Variants in RNF138 observed in about 807,000 individuals in gnomAD.
RNF138 encodes ring finger protein 138.
In RNF138, 12 loss-of-function variants were observed where a neutral mutation model predicts 31.0. That is an observed-to-expected ratio of 0.39 (90% CI 0.25 to 0.63). The LOEUF (loss-of-function observed/expected upper bound fraction) is 0.63. RNF138 is among the 20% of genes least tolerant of loss of function. The pLI, the probability that RNF138 is intolerant of heterozygous loss-of-function variation, is 0.52. For missense variants in RNF138, 192 were observed against 300.1 expected (o/e 0.64, Z 2.66); for synonymous variants, 105 against 99.5 (o/e 1.06, Z -0.33).
intron 4 of RNF138, among the ~76,000 whole-genome samples, chr18:32,117,665 G>T (rs747813264): frequency 4.5e-4 from 69 of 152,288 alleles, no homozygotes; most frequent in Admixed American, 8.5e-4. Flanking sequence ...ATAACTTCCA[G>T]TTGAGCCATC....
Position 32,123,547 on chromosome 18 carries a change from A to T in RNF138, c.422A>T (p.Asn141Ile). The T allele has an allele frequency of 6.3e-7, 1 of 1,593,242 alleles. No individual in the cohort carries two copies. The highest frequency in any genetic ancestry group is 1.1e-5 in the South Asian group (1 of 87,278). ...SNRSETSTSD[N>I]TETYQENTSS... The stretch of plus-strand genomic sequence containing the variant: ...AGGAGTGAAACATCCACATCTGATA[A>T]CACAGAAACTTACCAAGAGAATACA... The change falls in exon 5 of 8, where the codon AAC (asparagine) becomes ATC (isoleucine). Residue 141 changes from asparagine (N) to isoleucine (I), a missense_variant. Physicochemically the swap from Asn to Ile is moderately radical, Grantham distance 149 (BLOSUM62 -3). Around this residue, in one of 2 missense-constraint regions of RNF138, gnomAD observed 140 missense variants for 251.7 expected, o/e 0.56. Transcript: ENST00000261593.
At chr18:32,129,096 G>C (rs779708190) in intron 7 of RNF138, 23 bp from the exon 8 acceptor site, 1 of 1,544,798 alleles carries the variant, frequency 6.5e-7, no homozygotes, top group Non-Finnish European at 8.9e-7. Flanking sequence ...TTTTCCTGTT[G>C]ACATGAATGT....
chr18:32,097,477 A>G (rs1420781220), intron 2 of RNF138, among the ~76,000 whole-genome samples: 1 of 152,042 alleles, frequency 6.6e-6, no homozygotes, highest in Non-Finnish European at 1.5e-5. Context: ...CTTAATTTTA[A>G]AACAATTTTA....
chr18:32,102,043 ATT>A (rs551714071), intron 2 of RNF138, among the ~76,000 whole-genome samples: 1 of 133,370 alleles, frequency 7.5e-6, no homozygotes, highest in Non-Finnish European at 1.6e-5. Context: ...TGCCTGGCTG[ATT>A]TTTTTTTTTT....
At chr18:32,094,385 A>T (rs773366597) in intron 2 of RNF138, among the ~76,000 whole-genome samples, 18 of 152,034 alleles carry the variant, frequency 1.2e-4, no homozygotes, top group Non-Finnish European at 2.2e-4. Flanking sequence ...GTGAGCCAAG[A>T]GTGTGTGGAT....
At position 32,101,237 on chromosome 18, in the gene RNF138, CAG is replaced by C. The variant is rs1173100633; in HGVS notation, c.110+8354_110+8355del. ...TTCTTTTTTTTTTTTTTTTCAAAGA[CAG>C]AGTCTGGCTCTGTTGTCCAGGCTGG... On this transcript the variant is annotated intron_variant, in intron 2 of 7. Coordinates refer to ENST00000261593, the MANE Select transcript of RNF138 (RefSeq NM_016271.5). 1.1e-4 allele frequency among the ~76,000 whole-genome samples: 15 copies of C among 142,702 alleles called. No individual in the cohort carries two copies. In the Middle Eastern group the frequency reaches 0.011, roughly 103 times the overall value. The allele number at this position is 142,702 out of a possible 152,430, so 93.6% of individuals were successfully genotyped here.
At chr18:32,115,033 G>A (rs1433779669) in intron 4 of RNF138, among the ~76,000 whole-genome samples, 3 of 151,520 alleles carry the variant, frequency 2.0e-5, no homozygotes, top group Non-Finnish European at 2.9e-5. Context: ...AGTCCTTCTG[G>A]GTTTCTTCAT....
intron 2 of RNF138, among the ~76,000 whole-genome samples, chr18:32,107,042 C>T (rs1352167374): frequency 6.6e-6 from 1 of 151,582 alleles, no homozygotes; most frequent in Non-Finnish European, 1.5e-5. Context: ...TTTCTGTCTC[C>T]TATGGCTACT....
intron 2 of RNF138, among the ~76,000 whole-genome samples, chr18:32,105,920 C>T (rs10775450): frequency 0.66 from 99,762 of 151,996 alleles, 32,989 homozygotes; most frequent in East Asian, 0.74. Context: ...CAAAGCACAT[C>T]AAAACATAGC....
intron 4 of RNF138, among the ~76,000 whole-genome samples, chr18:32,118,641 C>T (rs891705314): frequency 3.3e-5 from 5 of 151,828 alleles, no homozygotes; most frequent in African/African-American, 1.2e-4. Flanking sequence ...CCAGCCTGGC[C>T]AACATGGTGA....
rs185012251 is a variant in RNF138 at position 32,129,024 on chromosome 18, A to T, written c.670-95A>T. ...CTGAGTGTGTGTAATGTGTGTCAAG[A>T]TGTGTAATGTGTATCAAGATGTCTA... On this transcript the variant is annotated intron_variant, in intron 7 of 7. Transcript: ENST00000261593. 43 of 776,130 alleles carry T rather than the reference A, an allele frequency of 5.5e-5. No homozygotes were observed. In the African/African-American group the frequency reaches 7.1e-4, roughly 13 times the overall value. The allele number at this position is 776,130 out of a possible 1,614,324, so 48.1% of individuals were successfully genotyped here. A position where few individuals can be genotyped will look rare whatever the true frequency, so the allele number is the denominator to read the frequency against.
At chr18:32,115,448 A>G (rs913957747) in intron 4 of RNF138, among the ~76,000 whole-genome samples, 17 of 152,180 alleles carry the variant, frequency 1.1e-4, no homozygotes, top group African/African-American at 4.1e-4. Flanking sequence ...AATGAAGTAT[A>G]AAAGACAAAA....
At chr18:32,113,484 G>A (rs1381034823) in intron 3 of RNF138, among the ~76,000 whole-genome samples, 5 of 152,134 alleles carry the variant, frequency 3.3e-5, no homozygotes, top group African/African-American at 1.2e-4. Flanking sequence ...TGCTGGTAGT[G>A]TCTTTTCAAG....
chr18:32,092,641 C>T (rs944585667), intron 1 of RNF138, 59 bp from the exon 2 acceptor site: 9 of 660,090 alleles, frequency 1.4e-5, no homozygotes, highest in African/African-American at 7.2e-5. Flanking sequence ...GGCCCCGCCC[C>T]CTTCCTGGCG....
Position 32,129,047 on chromosome 18 carries a change from C to T in RNF138, c.670-72C>T, listed in dbSNP as rs1440196257. The T allele has an allele frequency of 4.1e-6, 4 of 979,052 alleles. No homozygotes were observed. In the East Asian group the frequency reaches 9.5e-5, roughly 23 times the overall value. The allele number at this position is 979,052 out of a possible 1,614,324, so 60.6% of individuals were successfully genotyped here. A position where few individuals can be genotyped will look rare whatever the true frequency, so the allele number is the denominator to read the frequency against. On this transcript the variant is annotated intron_variant, in intron 7 of 7. Transcript: ENST00000261593. The stretch of plus-strand genomic sequence containing the variant: ...AGATGTGTAATGTGTATCAAGATGT[C>T]TAATGTTTTGGGCAAAGTATTAGAG...
At chr18:32,113,406 A>T (rs1484315039) in intron 3 of RNF138, among the ~76,000 whole-genome samples, 1 of 152,106 alleles carries the variant, frequency 6.6e-6, no homozygotes, top group East Asian at 1.9e-4. Flanking sequence ...CAGGCTGCAG[A>T]AGTTAAATAA....
At chr18:32,124,897 C>T in intron 6 of RNF138, 52 bp downstream of exon 6, 4 of 891,212 alleles carry the variant, frequency 4.5e-6, no homozygotes, top group Non-Finnish European at 7.5e-6. Flanking sequence ...ACATGCTGTT[C>T]TATTTATTTC....
chr18:32,097,876 G>A (rs146555305), intron 2 of RNF138, among the ~76,000 whole-genome samples: 3,015 of 151,734 alleles, frequency 0.02, 95 homozygotes, highest in African/African-American at 0.069. Flanking sequence ...CTATATATAT[G>A]TATATATGTG....
Position 32,129,419 on chromosome 18 carries a change from T to C in RNF138, c.*232T>C. On this transcript the variant is annotated 3_prime_UTR_variant, in exon 8 of 8. Coordinates refer to ENST00000261593, the MANE Select transcript of RNF138 (RefSeq NM_016271.5). ...AGGTGTAAAAAAGATGTTTCACTAA[T>C]GTAACGGTGAAAGAGAATCCCTGTT... The C allele has an allele frequency of 2.4e-6, 1 of 410,664 alleles. No individual in the cohort carries two copies. The highest frequency in any genetic ancestry group is 5.2e-5 in the South Asian group (1 of 19,376). The allele number at this position is 410,664 out of a possible 1,614,324, so 25.4% of individuals were successfully genotyped here.
Sources: allele counts gnomAD v4.1 joint callset (sites outside exome capture counted in the v4.1 genomes callset), GRCh38; gene constraint gnomAD v4.1.1; regional missense constraint gnomAD v4.1.1; transcripts MANE v1.5; gene names NCBI Gene and HGNC (gene_info 2026-07-23, HGNC 2026-07-21).